Variants in LRRTM4 observed in about 807,000 individuals in gnomAD.
The protein encoded by LRRTM4 is leucine rich repeat transmembrane neuronal 4.
Under a neutral mutation model 47.6 loss-of-function variants are expected in LRRTM4, and 25 were observed. The observed-to-expected ratio is 0.53, with a 90% CI of 0.38 to 0.73. The LOEUF is 0.73. Ranked by LOEUF, LRRTM4 falls within the 30% of genes least tolerant of loss-of-function variation. LRRTM4 has a pLI of 0.00. For synonymous variants in LRRTM4, 311 were observed against 269.5 expected, an observed-to-expected ratio of 1.15 and a Z score of -1.51; for missense variants, 638 against 713.4, an observed-to-expected ratio of 0.89 and a Z score of 1.20.
intron 3 of LRRTM4, among the ~76,000 whole-genome samples, chr2:76,793,248 T>G (rs1675075319): frequency 6.6e-6 from 1 of 152,210 alleles, no homozygotes; most frequent in African/African-American, 2.4e-5. Flanking sequence ...TCATTGTTCC[T>G]TGACCTTTCC....
intron 3 of LRRTM4, among the ~76,000 whole-genome samples, chr2:77,288,163 A>G (rs1224124411): frequency 6.6e-6 from 1 of 152,070 alleles, no homozygotes; most frequent in African/African-American, 2.4e-5. Flanking sequence ...ATTACAATAG[A>G]GCATGGCCAC....
At chr2:77,084,996 G>A (rs1435612868) in intron 3 of LRRTM4, among the ~76,000 whole-genome samples, 1 of 152,054 alleles carries the variant, frequency 6.6e-6, no homozygotes, top group Non-Finnish European at 1.5e-5. Context: ...ATGTGAAAAA[G>A]CTTACAATGC....
At chr2:76,841,038 A>G (rs1671660168) in intron 3 of LRRTM4, among the ~76,000 whole-genome samples, 1 of 149,246 alleles carries the variant, frequency 6.7e-6, no homozygotes, top group Non-Finnish European at 1.5e-5. Context: ...ATGTCCAACA[A>G]TGATAGACTG....
At chr2:76,803,080 A>G (rs916913759) in intron 3 of LRRTM4, among the ~76,000 whole-genome samples, 3 of 152,164 alleles carry the variant, frequency 2.0e-5, no homozygotes, top group African/African-American at 7.2e-5. Flanking sequence ...ACAAAAAAGT[A>G]TGGGTAACTA....
chr2:77,131,646 T>C (rs1572992598), intron 3 of LRRTM4, among the ~76,000 whole-genome samples: 1 of 152,150 alleles, frequency 6.6e-6, no homozygotes, highest in East Asian at 1.9e-4. Context: ...ATAAGGCTAC[T>C]CTGGGGCTTT....
At chr2:76,916,851 T>C (rs1411487971) in intron 3 of LRRTM4, among the ~76,000 whole-genome samples, 6 of 152,226 alleles carry the variant, frequency 3.9e-5, no homozygotes, top group Non-Finnish European at 7.3e-5. Flanking sequence ...CATCTAGTTA[T>C]TTCCAGCTAA....
intron 3 of LRRTM4, among the ~76,000 whole-genome samples, chr2:76,954,035 A>C (rs1457405837): frequency 1.3e-5 from 2 of 151,830 alleles, no homozygotes; most frequent in Admixed American, 6.6e-5. Flanking sequence ...CCACATGTAT[A>C]AAAGATTTGA....
intron 3 of LRRTM4, among the ~76,000 whole-genome samples, chr2:76,991,679 G>T (rs1476765092): frequency 6.6e-6 from 1 of 151,518 alleles, no homozygotes; most frequent in Non-Finnish European, 1.5e-5. Context: ...TGACCAGAAG[G>T]GCTCAGAGCC....
intron 3 of LRRTM4, among the ~76,000 whole-genome samples, chr2:77,211,181 T>A (rs1286221487): frequency 1.3e-5 from 2 of 152,128 alleles, no homozygotes; most frequent in Non-Finnish European, 2.9e-5. Flanking sequence ...CTATAGAAAT[T>A]GTCCTAAACT....
intron 3 of LRRTM4, among the ~76,000 whole-genome samples, chr2:77,259,673 AG>A (rs1675865335): frequency 6.6e-6 from 1 of 152,072 alleles, no homozygotes; most frequent in Non-Finnish European, 1.5e-5. Flanking sequence ...CTGTTCCCTA[AG>A]GTTATATATG....
At chr2:76,968,361 T>TATAC (rs1558767803) in intron 3 of LRRTM4, among the ~76,000 whole-genome samples, 1 of 121,320 alleles carries the variant, frequency 8.2e-6, no homozygotes, top group Admixed American at 8.1e-5. Context: ...TATATATATA[T>TATAC]ATATATATAT....
At chr2:76,777,234 C>T (rs952293056) in intron 3 of LRRTM4, among the ~76,000 whole-genome samples, 2 of 150,190 alleles carry the variant, frequency 1.3e-5, no homozygotes, top group African/African-American at 4.9e-5. Context: ...ATTGACTTGG[C>T]CATGCGGGCT....
At chr2:76,841,399 C>T (rs1366392894) in intron 3 of LRRTM4, among the ~76,000 whole-genome samples, 1 of 151,764 alleles carries the variant, frequency 6.6e-6, no homozygotes, top group Non-Finnish European at 1.5e-5. Flanking sequence ...ACGTTGTGCA[C>T]ATGTACCCTA....
chr2:77,259,904 T>G (rs1440442207), intron 3 of LRRTM4, among the ~76,000 whole-genome samples: 1 of 152,024 alleles, frequency 6.6e-6, no homozygotes, highest in Non-Finnish European at 1.5e-5. Flanking sequence ...TCAAGAGCCT[T>G]GTAGGTCAAA....
intron 3 of LRRTM4, among the ~76,000 whole-genome samples, chr2:76,768,788 G>A (rs1040646691): frequency 7.2e-5 from 11 of 152,036 alleles, no homozygotes; most frequent in Admixed American, 2.0e-4. Context: ...TAGGCATTGC[G>A]GAGACTTCAC....
At chr2:76,950,163 C>T (rs1233662969) in intron 3 of LRRTM4, among the ~76,000 whole-genome samples, 1 of 151,880 alleles carries the variant, frequency 6.6e-6, no homozygotes, top group Admixed American at 6.6e-5. Flanking sequence ...GAGCATTTCA[C>T]TGGGAACTCA....
intron 3 of LRRTM4, among the ~76,000 whole-genome samples, chr2:77,103,461 A>G (rs1395857285): frequency 6.6e-6 from 1 of 152,170 alleles, no homozygotes; most frequent in Non-Finnish European, 1.5e-5. Flanking sequence ...TCCATCTGTA[A>G]GAATGAGAAA....
chr2:76,839,705 T>C (rs1671615782), intron 3 of LRRTM4, among the ~76,000 whole-genome samples: 1 of 152,158 alleles, frequency 6.6e-6, no homozygotes, highest in African/African-American at 2.4e-5. Context: ...CATGTAGTTT[T>C]ATATATCATA....
chr2:76,789,444 C>A (rs376485317), intron 3 of LRRTM4, among the ~76,000 whole-genome samples: 1 of 152,120 alleles, frequency 6.6e-6, no homozygotes, highest in Non-Finnish European at 1.5e-5. Flanking sequence ...GAACACCATG[C>A]GTTGTATGAC....
Sources: allele counts gnomAD v4.1 joint callset (sites outside exome capture counted in the v4.1 genomes callset), GRCh38; gene constraint gnomAD v4.1.1; transcripts MANE v1.5; gene names NCBI Gene and HGNC (gene_info 2026-07-23, HGNC 2026-07-21).